LRP1B: variants seen among roughly 807,000 people sequenced by gnomAD.
LRP1B encodes LDL receptor related protein 1B.
LRP1B carries 217 observed loss-of-function variants against 556.6 expected under a neutral mutation model. The ratio of observed to expected loss-of-function variants is 0.39; its 90% CI spans 0.35 to 0.44. LRP1B has a LOEUF of 0.44. LRP1B is among the 20% of genes least tolerant of loss of function. The pLI, the probability that LRP1B is intolerant of heterozygous loss-of-function variation, is 1.00. For missense variants in LRP1B, 5,053 were observed against 5,620.8 expected, an observed-to-expected ratio of 0.90 and a Z score of 3.23; for synonymous variants, 2,047 against 1,865.8, an observed-to-expected ratio of 1.10 and a Z score of -2.50.
chr2:141,000,081 A>T (rs575321149), intron 15 of LRP1B, among the ~76,000 whole-genome samples: 13 of 147,084 alleles, frequency 8.8e-5, no homozygotes, highest in Admixed American at 8.8e-4. Flanking sequence ...TGCCTGGCTC[A>T]TTTTTTATTT....
At chr2:141,811,146 T>C (rs1353368823) in intron 1 of LRP1B, among the ~76,000 whole-genome samples, 1 of 152,108 alleles carries the variant, frequency 6.6e-6, no homozygotes, top group Non-Finnish European at 1.5e-5. Context: ...CCACAGCATA[T>C]TTGCTTTTAT....
intron 63 of LRP1B, among the ~76,000 whole-genome samples, chr2:140,449,855 C>T (rs1443178705): frequency 3.3e-5 from 5 of 152,114 alleles, no homozygotes; most frequent in Non-Finnish European, 7.4e-5. Flanking sequence ...AGGGAATTAT[C>T]GTGATTGACT....
At chr2:140,627,376 T>C (rs1683701477) in intron 41 of LRP1B, among the ~76,000 whole-genome samples, 1 of 152,126 alleles carries the variant, frequency 6.6e-6, no homozygotes, top group South Asian at 2.1e-4. Flanking sequence ...AAGGACTAGA[T>C]TAGCAGAGTC....
intron 1 of LRP1B, among the ~76,000 whole-genome samples, chr2:141,856,464 CACCTAGCA>C (rs1698054663): frequency 6.6e-6 from 1 of 152,100 alleles, no homozygotes; most frequent in Middle Eastern, 3.2e-3. Flanking sequence ...ATACAAATTT[CACCTAGCA>C]ACCATCAAAG....
At chr2:141,038,659 G>GTA (rs1282480997) in intron 11 of LRP1B, among the ~76,000 whole-genome samples, 1 of 151,940 alleles carries the variant, frequency 6.6e-6, no homozygotes, top group East Asian at 1.9e-4. Flanking sequence ...TCCTACTTTG[G>GTA]TATCCCTAAA....
At chr2:141,281,918 C>T (rs1018056748) in intron 3 of LRP1B, among the ~76,000 whole-genome samples, 13 of 152,178 alleles carry the variant, frequency 8.5e-5, no homozygotes, top group African/African-American at 3.1e-4. Context: ...ATCATAAGAA[C>T]ATTAACTTTA....
chr2:140,447,225 T>C (rs1686699851), intron 63 of LRP1B, among the ~76,000 whole-genome samples: 1 of 152,100 alleles, frequency 6.6e-6, no homozygotes, highest in Non-Finnish European at 1.5e-5. Flanking sequence ...TGTAAATTAG[T>C]ACAGCTATTT....
intron 7 of LRP1B, among the ~76,000 whole-genome samples, chr2:141,127,272 C>T (rs548471321): frequency 3.9e-5 from 6 of 152,210 alleles, no homozygotes; most frequent in East Asian, 3.9e-4. Context: ...CAGATAGGAA[C>T]GCTTTTACAT....
At chr2:141,860,342 T>C (rs889090963) in intron 1 of LRP1B, among the ~76,000 whole-genome samples, 18 of 152,214 alleles carry the variant, frequency 1.2e-4, no homozygotes, top group African/African-American at 3.9e-4. Context: ...GCCAAATTCT[T>C]ATATAATCCT....
chr2:141,424,332 C>T (rs936602633), intron 3 of LRP1B, among the ~76,000 whole-genome samples: 3 of 152,082 alleles, frequency 2.0e-5, no homozygotes, highest in Non-Finnish European at 4.4e-5. Context: ...AGGCTGGTCT[C>T]AAATTTTCGA....
At chr2:141,195,268 T>C (rs1352595483) in intron 6 of LRP1B, among the ~76,000 whole-genome samples, 1 of 152,082 alleles carries the variant, frequency 6.6e-6, no homozygotes, top group Non-Finnish European at 1.5e-5. Flanking sequence ...AACTGAGGCT[T>C]CCTGCCAGCA....
chr2:141,662,995 C>T (rs1393975750), intron 2 of LRP1B, among the ~76,000 whole-genome samples: 1 of 151,970 alleles, frequency 6.6e-6, no homozygotes, highest in Non-Finnish European at 1.5e-5. Context: ...GTCTCTTAGA[C>T]CACAGTGCAA....
chr2:141,201,667 A>T (rs1476522636), intron 6 of LRP1B, among the ~76,000 whole-genome samples: 2 of 152,202 alleles, frequency 1.3e-5, no homozygotes, highest in East Asian at 3.9e-4. Context: ...CATTTTTGTC[A>T]TATTTCTTAA....
At chr2:141,057,533 T>C (rs570202681) in intron 9 of LRP1B, among the ~76,000 whole-genome samples, 66 of 151,978 alleles carry the variant, frequency 4.3e-4, no homozygotes, top group Non-Finnish European at 7.1e-4. Flanking sequence ...TAGGAGGTAA[T>C]TGAATCATGG....
chr2:140,670,623 T>C lies in LRP1B; in HGVS notation c.6799+29627A>G, dbSNP rs75054279. 0.012 allele frequency among the ~76,000 whole-genome samples: 1,812 copies of C among 152,250 alleles called. 78 individuals carry two copies. In the East Asian group the frequency reaches 0.16, roughly 13 times the overall value. On this transcript the variant is annotated intron_variant, in intron 41 of 90. Coordinates refer to ENST00000389484, the MANE Select transcript of LRP1B (RefSeq NM_018557.3). Reference sequence around the variant, plus strand: ...TATTTATTCCCTGAAGGGTAAAACATAGGTTCTCTGAACTGAGGAACCAAT... The same window carrying C: ...TATTTATTCCCTGAAGGGTAAAACACAGGTTCTCTGAACTGAGGAACCAAT...
chr2:141,109,444 T>A (rs1162339546), intron 7 of LRP1B, among the ~76,000 whole-genome samples: 1 of 152,070 alleles, frequency 6.6e-6, no homozygotes, highest in South Asian at 2.1e-4. Flanking sequence ...CAAGCAAAAA[T>A]TAGATTGTTA....
chr2:141,459,750 T>A (rs761264239), intron 3 of LRP1B, among the ~76,000 whole-genome samples: 1 of 152,132 alleles, frequency 6.6e-6, no homozygotes, highest in Non-Finnish European at 1.5e-5. Context: ...TCTTCTGCCA[T>A]GGTTGTGAGG....
At chr2:140,550,984 GC>G (rs1275787964) in intron 43 of LRP1B, among the ~76,000 whole-genome samples, 27 of 151,982 alleles carry the variant, frequency 1.8e-4, no homozygotes, top group Admixed American at 6.6e-5. Context: ...AGAAATGAGA[GC>G]CCTTTCTCTC....
At chr2:141,185,138 T>A (rs1159524283) in intron 7 of LRP1B, among the ~76,000 whole-genome samples, 1 of 152,118 alleles carries the variant, frequency 6.6e-6, no homozygotes, top group Non-Finnish European at 1.5e-5. Context: ...AGGTTCTTTA[T>A]GTATTTGACC....
Sources: gnomAD v4.1 joint callset for allele counts (sites outside exome capture counted in the v4.1 genomes callset) on GRCh38, gnomAD v4.1.1 for gene constraint, MANE v1.5 for transcripts, NCBI Gene and HGNC (gene_info 2026-07-23, HGNC 2026-07-21) for gene names.